Variants in CIT observed in about 807,000 individuals in gnomAD.
CIT encodes the protein citron rho-interacting serine/threonine kinase.
In CIT, 79 loss-of-function variants were observed where a neutral mutation model predicts 272.7. That is an observed-to-expected ratio of 0.29 (90% CI 0.24 to 0.35). The LOEUF is 0.35. Ranked by LOEUF, CIT falls within the 10% of genes least tolerant of loss-of-function variation. CIT has a pLI of 1.00. For missense variants in CIT, 1,909 were observed against 2,618.3 expected (o/e 0.73, Z 5.91); for synonymous variants, 948 against 995.6 (o/e 0.95, Z 0.90).
chr12:119,718,673 G>C lies in CIT; in HGVS notation c.4003+26C>G. On this transcript the variant is annotated intron_variant, in intron 31 of 47. Transcript: ENST00000392521. This position sits in a 1 kb window ranked among gnomAD's most constrained non-coding sequence, Gnocchi z 4.8. ...TCCTCTGCCTTTTCCACATCCTTGAGCATTTTGGAGAGAGTGAGCCCCTAC... is the reference window on the plus strand; with the variant it reads ...TCCTCTGCCTTTTCCACATCCTTGACCATTTTGGAGAGAGTGAGCCCCTAC... 1 of 1,612,026 alleles carries C rather than the reference G, an allele frequency of 6.2e-7. No individual in the cohort carries two copies. Among genetic ancestry groups the C allele is most frequent in the Non-Finnish European group, 8.5e-7 (1 of 1,179,716 alleles).
chr12:119,706,330 G>A (rs1023347925), intron 40 of CIT, among the ~76,000 whole-genome samples: 1 of 152,070 alleles, frequency 6.6e-6, no homozygotes, highest in African/African-American at 2.4e-5. Flanking sequence ...GTGCAGGTTT[G>A]TTGTATCAAT....
chr12:119,755,754 A>C (rs1367854078), intron 22 of CIT, among the ~76,000 whole-genome samples: 2 of 152,220 alleles, frequency 1.3e-5, no homozygotes, highest in Non-Finnish European at 2.9e-5. Context: ...TTATGGCTTC[A>C]ATCAACCTCA....
At chr12:119,706,317 C>T (rs1429944528) in intron 40 of CIT, among the ~76,000 whole-genome samples, 1 of 152,128 alleles carries the variant, frequency 6.6e-6, no homozygotes, top group Non-Finnish European at 1.5e-5. Flanking sequence ...TTCACAGGCA[C>T]ATGTGCAGGT....
intron 46 of CIT, among the ~76,000 whole-genome samples, chr12:119,696,309 T>G (rs1039917806): frequency 2.0e-5 from 3 of 152,228 alleles, no homozygotes; most frequent in African/African-American, 7.2e-5. Context: ...CAATGTGGTT[T>G]TGATCCCAGG....
chr12:119,871,845 A>T (rs1471913847), intron 2 of CIT, among the ~76,000 whole-genome samples: 2 of 152,216 alleles, frequency 1.3e-5, no homozygotes, highest in Admixed American at 1.3e-4. Context: ...CAACAGAATG[A>T]GACCCTGGTC....
rs757825062 is a variant in CIT at position 119,745,374 on chromosome 12, C to CAAAAAAA, written c.2905-2917_2905-2911dup. Among the ~76,000 whole-genome samples, 12 of 7,008 alleles carry CAAAAAAA rather than the reference C, an allele frequency of 1.7e-3. 1 individual carries two copies. The highest frequency in any genetic ancestry group is 3.4e-3 in the African/African-American group (9 of 2,674). The allele number at this position is 7,008 out of a possible 152,430, so 4.6% of individuals were successfully genotyped here. ...TGAAATAAAAAACAGAAGAAACAAGCAAAAAAAAAAAAAAAAAAAAAAAAC... is the reference window on the plus strand; with the variant it reads ...TGAAATAAAAAACAGAAGAAACAAGCAAAAAAAAAAAAAAAAAAAAAAAAAAAAAAAC... On this transcript the variant is annotated intron_variant, in intron 23 of 47. Transcript: ENST00000392521.
At chr12:119,733,294 C>T (rs1346507943) in intron 26 of CIT, among the ~76,000 whole-genome samples, 1 of 151,630 alleles carries the variant, frequency 6.6e-6, no homozygotes, top group African/African-American at 2.4e-5. Flanking sequence ...CTCTGGGAGA[C>T]CAAGGCAGGT....
At chr12:119,743,246 A>G (rs945118085) in intron 23 of CIT, among the ~76,000 whole-genome samples, 1 of 152,142 alleles carries the variant, frequency 6.6e-6, no homozygotes, top group Non-Finnish European at 1.5e-5. Flanking sequence ...AAAAAAAGGA[A>G]TAAGAAAGGT....
Position 119,869,149 on chromosome 12 carries a change from C to G in CIT, c.149G>C (p.Gly50Ala). The change falls in exon 3 of 48, where the codon GGG becomes GCG. Residue 50 changes from glycine (G) to alanine (A), a missense_variant. Gly to Ala is a moderately conservative substitution (Grantham distance 60). This residue lies in a region of CIT where 529 missense variants were observed against 549.6 expected (regional missense o/e 0.96). Coordinates refer to ENST00000392521, the MANE Select transcript of CIT (RefSeq NM_001206999.2). The stretch of plus-strand genomic sequence containing the variant: ...GAGAACAAAGAGGGCATCTAATATC[C>G]CTTCTCGGGAAAGAGGAGACATCTG... ...QQQMSPLSRE[G>A]ILDALFVLFE... The G allele has an allele frequency of 6.2e-7, 1 of 1,613,068 alleles. No individual in the cohort carries two copies. The highest frequency in any genetic ancestry group is 8.5e-7 in the Non-Finnish European group (1 of 1,179,716).
chr12:119,844,211 G>A (rs553893487), intron 5 of CIT, among the ~76,000 whole-genome samples: 3 of 151,996 alleles, frequency 2.0e-5, no homozygotes, highest in Admixed American at 6.6e-5. Context: ...TAGTAGAGAC[G>A]GGGTTTCACC....
At chr12:119,787,992 A>G (rs1964961050) in intron 10 of CIT, among the ~76,000 whole-genome samples, 1 of 152,178 alleles carries the variant, frequency 6.6e-6, no homozygotes, top group African/African-American at 2.4e-5. Flanking sequence ...ATTACTACCC[A>G]TGCAACTTCA....
At chr12:119,833,283 C>T (rs1408168709) in intron 6 of CIT, among the ~76,000 whole-genome samples, 1 of 152,126 alleles carries the variant, frequency 6.6e-6, no homozygotes, top group Non-Finnish European at 1.5e-5. Context: ...TTTTGTGATT[C>T]CTGGACTAAC....
rs1956323134 is a variant in CIT, at chr12:119,697,965, A to G, written c.5702+11T>C. The G allele has an allele frequency of 1.9e-6, 3 of 1,614,078 alleles. No individual in the cohort carries two copies. In the East Asian group the frequency reaches 6.7e-5, roughly 36 times the overall value. On this transcript the variant is annotated intron_variant, in intron 45 of 47. Transcript: ENST00000392521. This position sits in a 1 kb window ranked among gnomAD's most constrained non-coding sequence, Gnocchi z 4.9. ...GCTGAAGTTTTCCACGCATGGGAGG[A>G]CAATGCTTACCCTGCTGAGGAGCGT...
At chr12:119,829,175 T>C (rs904656126) in intron 7 of CIT, among the ~76,000 whole-genome samples, 2 of 152,012 alleles carry the variant, frequency 1.3e-5, no homozygotes, top group African/African-American at 4.8e-5. Flanking sequence ...CCATCTCTAC[T>C]AAAAATACAA....
chr12:119,698,974 G>A (rs948195815), intron 44 of CIT, among the ~76,000 whole-genome samples: 1 of 152,032 alleles, frequency 6.6e-6, no homozygotes, highest in African/African-American at 2.4e-5. Context: ...CTAGGTTCGG[G>A]CTGGGCGCGG....
chr12:119,730,391 T>A (rs1197110053), intron 27 of CIT, 104 bp downstream of exon 27: 1 of 1,331,442 alleles, frequency 7.5e-7, no homozygotes, highest in African/African-American at 1.5e-5. Context: ...CATATGTTTA[T>A]GAAATATGTT....
At chr12:119,782,704 A>G in intron 12 of CIT, 67 bp from the exon 13 acceptor site, 1 of 1,588,936 alleles carries the variant, frequency 6.3e-7, no homozygotes, top group Non-Finnish European at 8.6e-7. Flanking sequence ...AGACTCATTA[A>G]GAGAGCTGCA....
intron 4 of CIT, among the ~76,000 whole-genome samples, chr12:119,853,145 G>A (rs914666350): frequency 6.6e-6 from 1 of 151,922 alleles, no homozygotes; most frequent in Non-Finnish European, 1.5e-5. Flanking sequence ...TAGCCAACAT[G>A]GTGAAACCCC....
chr12:119,785,566 T>C (rs139067595), intron 10 of CIT, among the ~76,000 whole-genome samples: 1 of 44,088 alleles, frequency 2.3e-5, no homozygotes, highest in African/African-American at 6.4e-5. Context: ...CATCCCGGAC[T>C]TTTTTTTTTT....
Sources: gnomAD v4.1 joint callset for allele counts (sites outside exome capture counted in the v4.1 genomes callset) on GRCh38, gnomAD v4.1.1 for gene constraint, gnomAD v4.1.1 regional missense constraint, Gnocchi (gnomAD v3.1) non-coding constraint, MANE v1.5 for transcripts, NCBI Gene and HGNC (gene_info 2026-07-23, HGNC 2026-07-21) for gene names.